Variants in NOP56 observed in about 807,000 individuals in gnomAD.
NOP56 encodes the protein nucleolar protein 56.
In NOP56, 31 loss-of-function variants were observed where a neutral mutation model predicts 58.3. The ratio of observed to expected loss-of-function variants is 0.53; its 90% CI spans 0.40 to 0.72. The LOEUF is 0.72. Among genes scored for constraint, NOP56 ranks in the 30% least tolerant of loss-of-function variants. The pLI is 0.00. For synonymous variants in NOP56, 313 were observed against 282.8 expected, an observed-to-expected ratio of 1.11 and a Z score of -1.07; for missense variants, 669 against 739.9, an observed-to-expected ratio of 0.90 and a Z score of 1.11.
intron 5 of NOP56, 103 bp downstream of exon 5, chr20:2,655,050 G>A: frequency 1.4e-6 from 2 of 1,394,490 alleles, no homozygotes; most frequent in South Asian, 1.2e-5. Context: ...GAACCATGTG[G>A]GCTGGGGCTG....
intron 7 of NOP56, 54 bp from the exon 8 acceptor site, chr20:2,655,880 A>T (rs1242321308): frequency 6.2e-7 from 1 of 1,612,590 alleles, no homozygotes; most frequent in Non-Finnish European, 8.5e-7. Flanking sequence ...CTGTCGTGCA[A>T]CTGGGCAGGT....
chr20:2,655,162 C>G (rs1373855081), intron 5 of NOP56, 163 bp from the exon 6 acceptor site: 1 of 1,080,962 alleles, frequency 9.3e-7, no homozygotes, highest in Non-Finnish European at 1.4e-6. Context: ...CAGCTCAGGC[C>G]CTGTGCCTGG....
intron 1 of NOP56, 21 bp downstream of exon 1, chr20:2,652,684 G>T: frequency 1.5e-6 from 1 of 669,320 alleles, no homozygotes; most frequent in South Asian, 4.0e-5. Context: ...GTTGCGGGGC[G>T]CGGGCGACGC....
At chr20:2,656,570 G>A (rs2086820928) in intron 9 of NOP56, 21 bp downstream of exon 9, 2 of 1,612,652 alleles carry the variant, frequency 1.2e-6, no homozygotes, top group African/African-American at 1.3e-5. Flanking sequence ...GGGGGCGTTG[G>A]CAGGTGTGAG....
In NOP56 at chr20:2,653,007, C is replaced by G. The variant is rs972093632; in HGVS notation, c.93+76C>G. ...CGGGTCCCAGCATGCACAGCGCGCTCCCACGTGGCCGGCCGAGCGGTTCGG... is the reference window on the plus strand; with the variant it reads ...CGGGTCCCAGCATGCACAGCGCGCTGCCACGTGGCCGGCCGAGCGGTTCGG... On this transcript the variant is annotated intron_variant, in intron 2 of 11. Transcript: ENST00000329276. 3.0e-6 allele frequency: 4 copies of G among 1,341,928 alleles called. No homozygotes were observed. The African/African-American group carries it at 4.4e-5, about 15-fold the overall frequency. 83.1% of individuals were successfully genotyped at this position (1,341,928 alleles called of 1,614,324 possible).
In NOP56 at chr20:2,655,936, A is replaced by G. The variant is rs767616660; in HGVS notation, c.912A>G (p.Val304=). Residue 304 remains valine (V), a splice_region_variant and synonymous_variant, in exon 8 of 12, where the codon GTA becomes GTG. Coordinates refer to ENST00000329276, the MANE Select transcript of NOP56 (RefSeq NM_006392.4). ...TGCTTCCTTGACTCTCTCTCCAGGT[A>G]GGTGCACGTCTCATCGCACATGCTG... ...PSLSALIGEA[V]GARLIAHAGS... 1 of 1,614,162 alleles carries G rather than the reference A, an allele frequency of 6.2e-7. No homozygotes were observed. Among genetic ancestry groups the G allele is most frequent in the East Asian group, 2.2e-5 (1 of 44,884 alleles).
intron 3 of NOP56, 134 bp from the exon 4 acceptor site, chr20:2,654,280 T>C: frequency 1.1e-6 from 1 of 911,646 alleles, no homozygotes; most frequent in Non-Finnish European, 1.8e-6. Flanking sequence ...TCCATGTCTC[T>C]GAGCAATGCC....
Position 2,653,349 on chromosome 20 carries a change from C to T in NOP56, c.164C>T (p.Ala55Val). The T allele has an allele frequency of 6.2e-7, 1 of 1,614,154 alleles. No homozygotes were observed. The highest frequency in any genetic ancestry group is 2.2e-5 in the East Asian group (1 of 44,874). Residue 55 changes from alanine to valine, a missense_variant, in exon 3 of 12, where the codon GCC becomes GTC. This residue lies in a region of NOP56 where 121 missense variants were observed against 113.1 expected (regional missense o/e 1.07). Transcript: ENST00000329276. ...IVRLVAFCPF[A>V]SSQVALENAN... is the part of the protein sequence containing the mutation. The stretch of plus-strand genomic sequence containing the variant: ...CGTCTGGTGGCCTTTTGTCCCTTTG[C>T]CTCATCCCAGGTTGCCTTGGAAAAT...
chr20:2,657,775 T>TGGG, intron 11 of NOP56, 154 bp from the exon 12 acceptor site: 1 of 804,972 alleles, frequency 1.2e-6, no homozygotes, highest in Non-Finnish European at 2.0e-6. Flanking sequence ...GGACAGCCTT[T>TGGG]GGGGTGGATT....
rs771134860 is a variant in NOP56 at position 2,657,212 on chromosome 20, G to C, written c.1413G>C (p.Glu471Asp). The C allele has an allele frequency of 4.5e-5, 73 of 1,614,068 alleles. No individual in the cohort carries two copies. In the South Asian group the frequency reaches 7.8e-4, roughly 17 times the overall value. Residue 471 changes from glutamate (E) to aspartate (D), a missense_variant, in exon 11 of 12, where the codon GAG (glutamate) becomes GAC (aspartate). Coordinates refer to ENST00000329276, the MANE Select transcript of NOP56 (RefSeq NM_006392.4). ...AAAACAGCAGTAGTACTCCAGAGGAGTGTGAGGTCAGTAGGCAGCACGGCC... is the reference window on the plus strand; with the variant it reads ...AAAACAGCAGTAGTACTCCAGAGGACTGTGAGGTCAGTAGGCAGCACGGCC... ...SSENSSSTPE[E>D]CEEMSEKPKK...
At chr20:2,653,210 C>T (rs1346884072) in intron 2 of NOP56, 69 bp from the exon 3 acceptor site, 5 of 1,281,970 alleles carry the variant, frequency 3.9e-6, no homozygotes, top group East Asian at 2.3e-5. Context: ...AGGCTGAGAA[C>T]CGCTGCTTGA....
At position 2,657,912 on chromosome 20, in the gene NOP56, CCT is replaced by C. The variant is rs1473678649; in HGVS notation, c.1420-16_1420-15del. 40 of 1,561,470 alleles carry C rather than the reference CCT, an allele frequency of 2.6e-5. No individual in the cohort carries two copies. Among genetic ancestry groups the C allele is most frequent in the South Asian group, 6.0e-5 (5 of 82,676 alleles). ...GAGCACTGTTCTCACAGCCTGTTCCCCTGTCCTTCCCTTTAGGAGATGAGTGA... is the reference window on the plus strand; with the variant it reads ...GAGCACTGTTCTCACAGCCTGTTCCCGTCCTTCCCTTTAGGAGATGAGTGA... On this transcript the variant is annotated splice_polypyrimidine_tract_variant and intron_variant, in intron 11 of 11. Coordinates refer to ENST00000329276, the MANE Select transcript of NOP56 (RefSeq NM_006392.4).
At chr20:2,652,814 G>A (rs781472739) in intron 1 of NOP56, 28 bp from the exon 2 acceptor site, 1 of 1,599,556 alleles carries the variant, frequency 6.3e-7, no homozygotes, top group Non-Finnish European at 8.5e-7. Context: ...AGGTTGCGTT[G>A]ACGCTCGCGC....
rs775669529 is a variant in NOP56, at chr20:2,652,674, GT to G, written c.3+13del. ...GGAGCTGGCGCCATGGTGAGGAGTG[GT>G]TGCGGGGCGCGGGCGACGCGACGGT... On this transcript the variant is annotated intron_variant, in intron 1 of 11. Transcript: ENST00000329276. 3.4e-5 allele frequency: 49 copies of G among 1,456,242 alleles called. No individual in the cohort carries two copies. The East Asian group carries it at 5.9e-4, about 18-fold the overall frequency. 90.2% of individuals were successfully genotyped at this position (1,456,242 alleles called of 1,614,324 possible). A position where few individuals can be genotyped will look rare whatever the true frequency, so the allele number is the denominator to read the frequency against.
At chr20:2,656,165 C>T (rs779917541) in intron 8 of NOP56, 131 bp downstream of exon 8, 4 of 1,608,586 alleles carry the variant, frequency 2.5e-6, no homozygotes, top group Non-Finnish European at 3.4e-6. Flanking sequence ...GATGGCCAGT[C>T]CTGGTGTCTG....
At chr20:2,657,631 TTA>T (rs1227299843) in intron 11 of NOP56, 6 of 516,150 alleles carry the variant, frequency 1.2e-5, no homozygotes, top group South Asian at 2.4e-5. Flanking sequence ...ACCCAGTTTC[TTA>T]AACAGTGTTT....
At chr20:2,654,109 G>A (rs1213665709) in intron 3 of NOP56, 1 of 585,880 alleles carries the variant, frequency 1.7e-6, no homozygotes, top group Non-Finnish European at 3.3e-6. Flanking sequence ...GGTTCCAGAA[G>A]GCAAATTCTA....
At chr20:2,652,759 G>GCCTGGA (rs773403693) in intron 1 of NOP56, 83 bp from the exon 2 acceptor site, 1 of 1,498,770 alleles carries the variant, frequency 6.7e-7, no homozygotes, top group Non-Finnish European at 8.9e-7. Flanking sequence ...CTGGGCCTGC[G>GCCTGGA]CCTGCGCCTG....
chr20:2,657,407 A>G (rs767194854), intron 11 of NOP56, 189 bp downstream of exon 11: 1 of 882,676 alleles, frequency 1.1e-6, no homozygotes, highest in Non-Finnish European at 1.9e-6. Flanking sequence ...TCAAGAGCCC[A>G]GAGAGCTGGT....
Sources: gnomAD v4.1 joint callset for allele counts on GRCh38, gnomAD v4.1.1 for gene constraint, gnomAD v4.1.1 regional missense constraint, MANE v1.5 for transcripts, NCBI Gene and HGNC (gene_info 2026-07-23, HGNC 2026-07-21) for gene names.